The following CDH9 variants were observed in gnomAD, a reference collection of about 807,000 sequenced individuals.
CDH9 encodes cadherin-9.
Under a neutral mutation model 70.9 loss-of-function variants are expected in CDH9, and 28 were observed. The observed-to-expected ratio is 0.40, with a 90% CI of 0.29 to 0.54. The LOEUF is 0.54. Among genes scored for constraint, CDH9 ranks in the 20% least tolerant of loss-of-function variants. The probability of loss-of-function intolerance (pLI) is 0.59; values close to 1 mark genes in which losing one functional copy is unlikely to be tolerated. For missense variants in CDH9, 874 were observed against 984.4 expected (o/e 0.89, Z 1.50); for synonymous variants, 409 against 343.1 (o/e 1.19, Z -2.12).
At chr5:26,903,464 A>G in intron 6 of CDH9, 173 bp downstream of exon 6, 1 of 702,478 alleles carries the variant, frequency 1.4e-6, no homozygotes, top group Non-Finnish European at 2.6e-6. Flanking sequence ...AGTGTCAATT[A>G]TGAAGACATT....
rs1742519605 is a variant in CDH9, at chr5:26,988,218, C to T, written c.116G>A (p.Gly39Asp). The change falls in exon 2 of 12, where the codon GGT becomes GAT. Residue 39 changes from glycine to aspartate, a missense_variant. Coordinates refer to ENST00000231021, the MANE Select transcript of CDH9 (RefSeq NM_016279.4). ...NSYLSSKKIA[G>D]LTKDDGKMLR... Reference sequence around the variant, plus strand: ...CATTTTACCGTCATCTTTTGTCAGACCCGCTATCTTTTTGCTTGATAAATA... The same window carrying T: ...CATTTTACCGTCATCTTTTGTCAGATCCGCTATCTTTTTGCTTGATAAATA... The T allele has an allele frequency of 1.2e-6, 2 of 1,613,470 alleles. No homozygotes were observed. Among genetic ancestry groups the T allele is most frequent in the Non-Finnish European group, 8.5e-7 (1 of 1,179,626 alleles).
At chr5:26,913,619 GA>G (rs1741092748) in intron 3 of CDH9, among the ~76,000 whole-genome samples, 1 of 151,976 alleles carries the variant, frequency 6.6e-6, no homozygotes, top group African/African-American at 2.4e-5. Context: ...TTATGTAAAT[GA>G]AATATAGATT....
At position 26,903,231 on chromosome 5, in the gene CDH9, T is replaced by C. The variant is rs367703217; in HGVS notation, c.999+406A>G. On this transcript the variant is annotated intron_variant, in intron 6 of 11. Transcript: ENST00000231021. Reference sequence around the variant, plus strand: ...ATTAAGAATGTTCTCCCACATTGCATTGAAAATCGAGGCAACCAATGGAAA... The same window carrying C: ...ATTAAGAATGTTCTCCCACATTGCACTGAAAATCGAGGCAACCAATGGAAA... 1.8e-3 allele frequency: 576 copies of C among 313,318 alleles called. 16 individuals are homozygous for C. Among genetic ancestry groups the C allele is most frequent in the South Asian group, 0.016 (564 of 35,026 alleles). 19.4% of individuals were successfully genotyped at this position (313,318 alleles called of 1,614,324 possible).
chr5:26,885,479 AAAG>A (rs1400828942), intron 11 of CDH9, 132 bp downstream of exon 11: 1 of 801,824 alleles, frequency 1.2e-6, no homozygotes, highest in Non-Finnish European at 1.9e-6. Flanking sequence ...TTCCTAATTG[AAAG>A]AAGAATTTTA....
intron 1 of CDH9, among the ~76,000 whole-genome samples, chr5:27,010,007 C>G (rs1579510834): frequency 6.6e-6 from 1 of 151,990 alleles, no homozygotes; most frequent in Non-Finnish European, 1.5e-5. Flanking sequence ...GGAACTGAAC[C>G]CTTGGCGGAG....
At chr5:27,020,747 C>CTATA (rs111950049) in intron 1 of CDH9, among the ~76,000 whole-genome samples, 4 of 137,818 alleles carry the variant, frequency 2.9e-5, no homozygotes, top group Middle Eastern at 7.5e-3. Flanking sequence ...CACACACACA[C>CTATA]TATATATATA....
intron 1 of CDH9, among the ~76,000 whole-genome samples, chr5:27,024,932 C>A (rs1018583425): frequency 4.6e-5 from 7 of 151,988 alleles, no homozygotes; most frequent in African/African-American, 1.7e-4. Flanking sequence ...AATACCATAT[C>A]ACTTACAATG....
chr5:26,908,537 A>G (rs1477312736), intron 3 of CDH9, among the ~76,000 whole-genome samples: 1 of 152,152 alleles, frequency 6.6e-6, no homozygotes, highest in African/African-American at 2.4e-5. Flanking sequence ...TTTTAACATG[A>G]ACATTATTGT....
At position 27,029,315 on chromosome 5, in the gene CDH9, T is replaced by C. The variant is rs1743272534; in HGVS notation, c.-50+9148A>G. Among the ~76,000 whole-genome samples the C allele has an allele frequency of 2.6e-5, 4 of 152,036 alleles. No individual in the cohort carries two copies. The South Asian group carries it at 8.3e-4, about 31-fold the overall frequency. ...TCCTGGTAGGATATGATCTATAAAA[T>C]ATTTCTCACATAATTGGAGTAATGT... On this transcript the variant is annotated intron_variant, in intron 1 of 11. Transcript: ENST00000231021.
At chr5:26,929,899 G>T (rs982140246) in intron 2 of CDH9, among the ~76,000 whole-genome samples, 1 of 151,932 alleles carries the variant, frequency 6.6e-6, no homozygotes, top group Non-Finnish European at 1.5e-5. Context: ...CAAAAATATA[G>T]TTAGGGGGAA....
At chr5:26,906,947 A>C (rs1272365696) in intron 3 of CDH9, 109 bp from the exon 4 acceptor site, 1 of 1,326,376 alleles carries the variant, frequency 7.5e-7, no homozygotes, top group Non-Finnish European at 9.7e-7. Flanking sequence ...ACGATGTTGT[A>C]TGTTTGAAGA....
At chr5:26,932,139 A>G (rs1405223987) in intron 2 of CDH9, among the ~76,000 whole-genome samples, 3 of 151,538 alleles carry the variant, frequency 2.0e-5, no homozygotes, top group African/African-American at 7.3e-5. Context: ...TTTTTTTATT[A>G]TTGGTTTTTA....
chr5:26,907,463 G>T (rs564342208), intron 3 of CDH9, among the ~76,000 whole-genome samples: 1 of 152,026 alleles, frequency 6.6e-6, no homozygotes, highest in Admixed American at 6.6e-5. Flanking sequence ...GCATAATACT[G>T]GTTATTTGCT....
chr5:26,991,111 G>C (rs911735099), intron 1 of CDH9, among the ~76,000 whole-genome samples: 71 of 152,290 alleles, frequency 4.7e-4, no homozygotes, highest in African/African-American at 1.6e-3. Context: ...TAGAGGGCAG[G>C]AAAGCGATTT....
At chr5:27,001,291 G>C (rs1043206753) in intron 1 of CDH9, among the ~76,000 whole-genome samples, 3 of 152,030 alleles carry the variant, frequency 2.0e-5, no homozygotes, top group African/African-American at 7.2e-5. Context: ...CAGTTTCTAA[G>C]ACTAAATGGA....
At chr5:26,886,884 C>A (rs1303454820) in intron 9 of CDH9, among the ~76,000 whole-genome samples, 2 of 152,120 alleles carry the variant, frequency 1.3e-5, no homozygotes, top group African/African-American at 4.8e-5. Context: ...TGGGTTGCCT[C>A]CCATCTGTGT....
intron 2 of CDH9, among the ~76,000 whole-genome samples, chr5:26,980,780 A>AT (rs1742385980): frequency 6.7e-6 from 1 of 148,276 alleles, no homozygotes; most frequent in Non-Finnish European, 1.5e-5. Context: ...AAAAATGTCT[A>AT]CTTTTTCTGA....
chr5:26,890,737 G>T (rs942136743), intron 7 of CDH9, 173 bp from the exon 8 acceptor site: 43 of 570,902 alleles, frequency 7.5e-5, no homozygotes, highest in Non-Finnish European at 1.1e-4. Context: ...AATTTCATAT[G>T]TTTGACTCTT....
At chr5:26,989,808 G>T (rs1366011908) in intron 1 of CDH9, among the ~76,000 whole-genome samples, 3 of 152,048 alleles carry the variant, frequency 2.0e-5, no homozygotes, top group Non-Finnish European at 4.4e-5. Flanking sequence ...GCTTGGCTTT[G>T]TGCCCTACTG....
Sources: allele counts gnomAD v4.1 joint callset (sites outside exome capture counted in the v4.1 genomes callset), GRCh38; gene constraint gnomAD v4.1.1; transcripts MANE v1.5; gene names NCBI Gene and HGNC (gene_info 2026-07-23, HGNC 2026-07-21).